Variants in CNTLN observed in about 807,000 individuals in gnomAD.
CNTLN encodes centlein, centrosomal protein.
In CNTLN, 212 loss-of-function variants were observed where a neutral mutation model predicts 180.0. The observed-to-expected ratio is 1.18, with a 90% CI of 1.05 to 1.32. The LOEUF (loss-of-function observed/expected upper bound fraction) is 1.32. Ranked by LOEUF, CNTLN falls within the 40% of genes most tolerant of loss-of-function variation. The pLI is 0.00. For synonymous variants in CNTLN, 722 were observed against 563.1 expected (o/e 1.28, Z -3.99); for missense variants, 2,095 against 1,610.9 (o/e 1.30, Z -5.14).
At chr9:17,138,393 T>C (rs1472825848) in intron 1 of CNTLN, among the ~76,000 whole-genome samples, 1 of 152,208 alleles carries the variant, frequency 6.6e-6, no homozygotes, top group African/African-American at 2.4e-5. Flanking sequence ...AAATATGAAA[T>C]TAGTTTCATC....
intron 14 of CNTLN, among the ~76,000 whole-genome samples, chr9:17,393,590 T>A (rs1333383767): frequency 6.6e-6 from 1 of 152,196 alleles, no homozygotes; most frequent in African/African-American, 2.4e-5. Flanking sequence ...TCAGAACCTC[T>A]CTTTCCTGTC....
At chr9:17,248,813 G>A (rs1266252664) in intron 5 of CNTLN, among the ~76,000 whole-genome samples, 2 of 151,530 alleles carry the variant, frequency 1.3e-5, no homozygotes, top group African/African-American at 2.4e-5. Flanking sequence ...GTAACAAAAA[G>A]TCTTCAAACA....
At chr9:17,193,899 G>A (rs933872298) in intron 2 of CNTLN, among the ~76,000 whole-genome samples, 1 of 152,178 alleles carries the variant, frequency 6.6e-6, no homozygotes, top group Non-Finnish European at 1.5e-5. Flanking sequence ...AAATCTAGGC[G>A]GAAGTTTCCA....
chr9:17,390,381 G>A (rs1826019016), intron 14 of CNTLN, among the ~76,000 whole-genome samples: 1 of 151,706 alleles, frequency 6.6e-6, no homozygotes. Context: ...TGGGACTACA[G>A]GTGTGCGCCA....
At chr9:17,403,643 A>G (rs983421919) in intron 15 of CNTLN, among the ~76,000 whole-genome samples, 6 of 151,596 alleles carry the variant, frequency 4.0e-5, no homozygotes, top group African/African-American at 1.5e-4. Flanking sequence ...AATGACTTAT[A>G]TATCCCTATG....
intron 23 of CNTLN, among the ~76,000 whole-genome samples, chr9:17,475,448 G>A (rs970786481): frequency 6.9e-6 from 1 of 145,784 alleles, no homozygotes; most frequent in African/African-American, 2.5e-5. Flanking sequence ...TAAAGAATAT[G>A]ATGGAAAAAA....
At position 17,226,286 on chromosome 9, in the gene CNTLN, A is replaced by T. The variant is rs537537077; in HGVS notation, c.533A>T (p.Gln178Leu). Reference protein sequence around the residue: ...VKDAKIQEFEQRESVLKQEIN... With the variant: ...VKDAKIQEFELRESVLKQEIN... ...GATGCCAAAATACAAGAATTTGAAC[A>T]GGTTGGTGTTATAATAAAAATATTT... Residue 178 changes from glutamine (Q) to leucine (L), a missense_variant and splice_region_variant, in exon 3 of 26, where the codon CAG becomes CTG. Coordinates refer to ENST00000380647, the MANE Select transcript of CNTLN (RefSeq NM_017738.4). 29 of 1,519,086 alleles carry T rather than the reference A, an allele frequency of 1.9e-5. No individual in the cohort carries two copies. In the East Asian group the frequency reaches 6.1e-4, roughly 32 times the overall value. 94.1% of individuals were successfully genotyped at this position (1,519,086 alleles called of 1,614,324 possible).
intron 6 of CNTLN, among the ~76,000 whole-genome samples, chr9:17,291,254 A>G (rs755096844): frequency 9.9e-5 from 15 of 152,124 alleles, no homozygotes; most frequent in Non-Finnish European, 1.9e-4. Flanking sequence ...GCTATGTGCT[A>G]TGTGTCGCCA....
At chr9:17,232,210 G>A (rs1163385453) in intron 3 of CNTLN, among the ~76,000 whole-genome samples, 4 of 151,960 alleles carry the variant, frequency 2.6e-5, no homozygotes, top group Admixed American at 2.6e-4. Context: ...CAGTGCTCTT[G>A]TGTTGGGAGA....
intron 8 of CNTLN, among the ~76,000 whole-genome samples, chr9:17,312,367 T>TTATATATATATATATATATA (rs1819226089): frequency 2.7e-4 from 3 of 10,952 alleles, no homozygotes; most frequent in Non-Finnish European, 5.6e-4. Flanking sequence ...ATATATATTA[T>TTATATATATATATATATATA]ATATATATAT....
At chr9:17,269,078 T>G (rs1827740258) in intron 5 of CNTLN, among the ~76,000 whole-genome samples, 1 of 152,140 alleles carries the variant, frequency 6.6e-6, no homozygotes. Context: ...CCTAGTGAGA[T>G]GAACCCGGTA....
At chr9:17,215,754 G>A (rs1215205646) in intron 2 of CNTLN, among the ~76,000 whole-genome samples, 1 of 152,090 alleles carries the variant, frequency 6.6e-6, no homozygotes, top group African/African-American at 2.4e-5. Flanking sequence ...AGCAATGGTG[G>A]GCACCCCTTC....
At chr9:17,147,308 C>T (rs1685367372) in intron 2 of CNTLN, among the ~76,000 whole-genome samples, 1 of 152,160 alleles carries the variant, frequency 6.6e-6, no homozygotes, top group Non-Finnish European at 1.5e-5. Context: ...ATTTTGAATG[C>T]AGTTTTTGGC....
intron 2 of CNTLN, among the ~76,000 whole-genome samples, chr9:17,218,039 C>T (rs1823880509): frequency 6.6e-6 from 1 of 152,104 alleles, no homozygotes; most frequent in South Asian, 2.1e-4. Flanking sequence ...TTCAGATTCA[C>T]ATCTTAGCCT....
At chr9:17,526,028 C>T in the CNTLN span, among the ~76,000 whole-genome samples, 2 of 152,044 alleles carry the variant, frequency 1.3e-5, no homozygotes, top group Admixed American at 6.6e-5. Context: ...CTCCGCCTCC[C>T]GGGTTCACGC....
At chr9:17,486,777 A>G (rs1285324846) in intron 24 of CNTLN, among the ~76,000 whole-genome samples, 5 of 152,156 alleles carry the variant, frequency 3.3e-5, no homozygotes, top group Non-Finnish European at 7.4e-5. Context: ...AATTACTGTG[A>G]AGTATATAAA....
chr9:17,140,128 G>GT (rs1269433499), intron 1 of CNTLN, among the ~76,000 whole-genome samples: 1 of 151,930 alleles, frequency 6.6e-6, no homozygotes, highest in African/African-American at 2.4e-5. Flanking sequence ...CTAGTTCTGT[G>GT]TTTTTTCGGG....
At chr9:17,315,156 T>G (rs1819455962) in intron 8 of CNTLN, among the ~76,000 whole-genome samples, 1 of 152,178 alleles carries the variant, frequency 6.6e-6, no homozygotes, top group Non-Finnish European at 1.5e-5. Context: ...TTTTAGTATT[T>G]ATTTTATTGG....
chr9:17,319,766 G>C (rs938114696), intron 8 of CNTLN, among the ~76,000 whole-genome samples: 2 of 152,084 alleles, frequency 1.3e-5, no homozygotes, highest in Admixed American at 6.5e-5. Context: ...TATTATACAG[G>C]GAAGAGACTT....
Sources: allele counts gnomAD v4.1 joint callset (sites outside exome capture counted in the v4.1 genomes callset), GRCh38; gene constraint gnomAD v4.1.1; transcripts MANE v1.5; gene names NCBI Gene and HGNC (gene_info 2026-07-23, HGNC 2026-07-21).